Variants in APLF observed in about 807,000 individuals in gnomAD.
APLF encodes aprataxin and PNKP like factor.
Under a neutral mutation model 55.6 loss-of-function variants are expected in APLF, and 61 were observed. The observed-to-expected ratio is 1.10, with a 90% CI of 0.89 to 1.36. The LOEUF (loss-of-function observed/expected upper bound fraction) is 1.36. Among genes scored for constraint, APLF ranks in the 40% most tolerant of loss-of-function variants. The pLI, the probability that APLF is intolerant of heterozygous loss-of-function variation, is 0.00. For synonymous variants in APLF, 207 were observed against 214.8 expected, an observed-to-expected ratio of 0.96 and a Z score of 0.32; for missense variants, 611 against 602.5, an observed-to-expected ratio of 1.01 and a Z score of -0.15.
intron 8 of APLF, among the ~76,000 whole-genome samples, chr2:68,545,942 A>G (rs1223063648): frequency 6.6e-6 from 1 of 152,162 alleles, no homozygotes; most frequent in Non-Finnish European, 1.5e-5. Flanking sequence ...AAACTATCAA[A>G]GAAAAAAGTA....
At chr2:68,476,734 T>A (rs1487773596) in intron 1 of APLF, among the ~76,000 whole-genome samples, 1 of 152,068 alleles carries the variant, frequency 6.6e-6, no homozygotes, top group Non-Finnish European at 1.5e-5. Flanking sequence ...CAGTACAACC[T>A]TCCAGTGGCT....
intron 8 of APLF, chr2:68,563,434 A>G (rs1003080875): frequency 2.0e-5 from 17 of 854,846 alleles, no homozygotes; most frequent in African/African-American, 1.8e-5. Context: ...CAGATGGTGC[A>G]TGCGAGTGCA....
chr2:68,498,140 C>G (rs1676615051), intron 2 of APLF, among the ~76,000 whole-genome samples: 1 of 152,174 alleles, frequency 6.6e-6, no homozygotes, highest in Non-Finnish European at 1.5e-5. Context: ...CAAGTGACTT[C>G]TAGTTCATTC....
chr2:68,477,056 C>T (rs1201209865), intron 1 of APLF, among the ~76,000 whole-genome samples: 1 of 152,042 alleles, frequency 6.6e-6, no homozygotes, highest in African/African-American at 2.4e-5. Flanking sequence ...TCATTTACTA[C>T]CATAAAATAT....
intron 5 of APLF, among the ~76,000 whole-genome samples, chr2:68,516,996 A>G (rs1359018630): frequency 1.6e-5 from 2 of 124,942 alleles, no homozygotes; most frequent in East Asian, 2.2e-4. Flanking sequence ...ATATAATAAT[A>G]TATGTTAATA....
intron 1 of APLF, among the ~76,000 whole-genome samples, chr2:68,479,568 T>A (rs987047006): frequency 6.6e-6 from 1 of 152,204 alleles, no homozygotes; most frequent in Non-Finnish European, 1.5e-5. Flanking sequence ...GCAGTGCCAG[T>A]TACCAAACCA....
chr2:68,470,115 A>G (rs1675571947), intron 1 of APLF, among the ~76,000 whole-genome samples: 1 of 152,214 alleles, frequency 6.6e-6, no homozygotes, highest in South Asian at 2.1e-4. Context: ...TTTGTTTACT[A>G]GATTTTGATT....
Position 68,567,841 on chromosome 2 carries a change from G to A in APLF, c.1333+454G>A, listed in dbSNP as rs184694118. Among the ~76,000 whole-genome samples the A allele has an allele frequency of 2.5e-3, 376 of 152,182 alleles. 3 individuals carry two copies. The highest frequency in any genetic ancestry group is 4.4e-3 in the Non-Finnish European group (299 of 67,988). ...AAGGCTGGCTCCTCTTCCAACGAGG[G>A]ACTTTATGTGTCCTTATTCAGCTGG... On this transcript the variant is annotated intron_variant, in intron 9 of 9. Transcript: ENST00000303795.
intron 8 of APLF, among the ~76,000 whole-genome samples, chr2:68,561,377 T>G (rs1671162462): frequency 6.6e-6 from 1 of 152,094 alleles, no homozygotes; most frequent in African/African-American, 2.4e-5. Context: ...CTGAGCCCCT[T>G]TCACAACATA....
chr2:68,507,998 A>G (rs1676923030), intron 3 of APLF, among the ~76,000 whole-genome samples: 1 of 151,854 alleles, frequency 6.6e-6, no homozygotes, highest in South Asian at 2.1e-4. Context: ...TGATAGTATG[A>G]TAATATGCAA....
At chr2:68,546,106 G>A (rs1670695880) in intron 8 of APLF, among the ~76,000 whole-genome samples, 2 of 151,996 alleles carry the variant, frequency 1.3e-5, no homozygotes, top group Admixed American at 1.3e-4. Flanking sequence ...TCTAGGACCA[G>A]AAAGGAGAAT....
At chr2:68,565,703 A>T (rs144612139) in intron 8 of APLF, among the ~76,000 whole-genome samples, 2,097 of 152,186 alleles carry the variant, frequency 0.014, 41 homozygotes, top group African/African-American at 0.046. Flanking sequence ...GGCACGGAGG[A>T]AAAAATGCAA....
At chr2:68,476,355 C>T (rs1220176097) in intron 1 of APLF, among the ~76,000 whole-genome samples, 1 of 151,582 alleles carries the variant, frequency 6.6e-6, no homozygotes, top group African/African-American at 2.4e-5. Flanking sequence ...TGGTGGTGCA[C>T]ACCTGTAATC....
Position 68,526,596 on chromosome 2 carries a change from A to G in APLF, c.804+354A>G, listed in dbSNP as rs188289487. On this transcript the variant is annotated intron_variant, in intron 6 of 9. Transcript: ENST00000303795. ...CTAAGACTTACAAATTACAAGAACAATCTGATCTTACAGTCAAGGAAAAAG... is the reference window on the plus strand; with the variant it reads ...CTAAGACTTACAAATTACAAGAACAGTCTGATCTTACAGTCAAGGAAAAAG... Among the ~76,000 whole-genome samples the G allele has an allele frequency of 2.0e-5, 3 of 152,318 alleles. No homozygotes were observed. The East Asian group carries it at 5.8e-4, about 29-fold the overall frequency.
intron 2 of APLF, among the ~76,000 whole-genome samples, chr2:68,494,634 C>G (rs947990622): frequency 2.0e-5 from 3 of 152,120 alleles, no homozygotes; most frequent in Non-Finnish European, 4.4e-5. Flanking sequence ...GCTATTCTTC[C>G]TGATGTTCTC....
At chr2:68,484,117 G>GA (rs1221542453) in intron 1 of APLF, among the ~76,000 whole-genome samples, 2 of 152,036 alleles carry the variant, frequency 1.3e-5, no homozygotes, top group African/African-American at 2.4e-5. Context: ...CATCACATAA[G>GA]AAAATCTCCA....
intron 8 of APLF, among the ~76,000 whole-genome samples, chr2:68,551,816 T>C (rs1670875762): frequency 1.3e-5 from 2 of 152,068 alleles, no homozygotes; most frequent in African/African-American, 4.8e-5. Flanking sequence ...AGCAACGCTT[T>C]ATTGCAATTC....
chr2:68,540,352 ATGGC>A (rs1354851351), intron 7 of APLF, among the ~76,000 whole-genome samples: 1 of 152,068 alleles, frequency 6.6e-6, no homozygotes, highest in East Asian at 1.9e-4. Context: ...ATTGTTTTTT[ATGGC>A]TGCATAATAT....
intron 6 of APLF, among the ~76,000 whole-genome samples, chr2:68,527,063 C>T (rs1452183851): frequency 6.6e-6 from 1 of 151,738 alleles, no homozygotes; most frequent in African/African-American, 2.4e-5. Context: ...GTGAGGGGGC[C>T]GGGTAGAGGC....
Sources: allele counts gnomAD v4.1 joint callset (sites outside exome capture counted in the v4.1 genomes callset), GRCh38; gene constraint gnomAD v4.1.1; transcripts MANE v1.5; gene names NCBI Gene and HGNC (gene_info 2026-07-23, HGNC 2026-07-21).